Variants in LRRC37A2 observed in about 807,000 individuals in gnomAD.
LRRC37A2 encodes leucine-rich repeat-containing protein 37A2.
In LRRC37A2, 9 loss-of-function variants were observed where a neutral mutation model predicts 68.8. That is an observed-to-expected ratio of 0.13 (90% CI 0.08 to 0.23). The LOEUF is 0.23. Ranked by LOEUF, LRRC37A2 falls within the 10% of genes least tolerant of loss-of-function variation. LRRC37A2 has a pLI of 1.00. For synonymous variants in LRRC37A2, 63 were observed against 367.6 expected, an observed-to-expected ratio of 0.17 and a Z score of 9.48; for missense variants, 168 against 950.4, an observed-to-expected ratio of 0.18 and a Z score of 10.82.
At chr17:46,770,124 A>G in the LRRC37A2 span, 2 of 1,461,720 alleles carry the variant, frequency 1.4e-6, no homozygotes, top group Non-Finnish European at 1.8e-6. Flanking sequence ...CTCCCAGGCC[A>G]GGACGTGAGG....
the LRRC37A2 span, among the ~76,000 whole-genome samples, chr17:46,681,476 T>A: frequency 7.0e-6 from 1 of 143,246 alleles, no homozygotes; most frequent in African/African-American, 2.6e-5. Flanking sequence ...GGCAACAGAA[T>A]GAGACCCTGT....
chr17:46,810,952 A>G, the LRRC37A2 span, among the ~76,000 whole-genome samples: 9 of 152,020 alleles, frequency 5.9e-5, 1 homozygote, highest in Non-Finnish European at 1.3e-4. Flanking sequence ...CCGCTCTGGC[A>G]TCTCCTTCAT....
the LRRC37A2 span, chr17:46,941,298 G>A: frequency 1.0e-6 from 1 of 985,580 alleles, no homozygotes; most frequent in Non-Finnish European, 1.2e-6. Flanking sequence ...TTGCAAATTT[G>A]GATTTACACC....
the LRRC37A2 span, among the ~76,000 whole-genome samples, chr17:47,029,055 T>C: frequency 6.6e-6 from 1 of 152,088 alleles, no homozygotes; most frequent in African/African-American, 2.4e-5. Flanking sequence ...GGCGGGCGCC[T>C]GTGATCCTAG....
chr17:46,568,464 T>A, the LRRC37A2 span, among the ~76,000 whole-genome samples: 1 of 100,630 alleles, frequency 9.9e-6, no homozygotes, highest in African/African-American at 4.3e-5. Context: ...AATAAAGTAA[T>A]CAACCAAATC....
chr17:46,595,779 C>T, the LRRC37A2 span, among the ~76,000 whole-genome samples: 1 of 133,048 alleles, frequency 7.5e-6, no homozygotes, highest in African/African-American at 3.3e-5. Flanking sequence ...TATGAGCCAC[C>T]GCGACTGACC....
At chr17:47,020,545 C>T in the LRRC37A2 span, among the ~76,000 whole-genome samples, 78 of 150,664 alleles carry the variant, frequency 5.2e-4, 1 homozygote, top group Admixed American at 4.6e-4. Flanking sequence ...TTTGGGAGGC[C>T]GAGGTGGGCG....
the LRRC37A2 span, among the ~76,000 whole-genome samples, chr17:46,943,726 G>A: frequency 6.6e-6 from 1 of 152,216 alleles, no homozygotes; most frequent in South Asian, 2.1e-4. Context: ...GAAGGTTCAA[G>A]GCCACTGATG....
chr17:47,042,856 A>T, the LRRC37A2 span, among the ~76,000 whole-genome samples: 5 of 94,456 alleles, frequency 5.3e-5, no homozygotes, highest in South Asian at 5.0e-4. Context: ...GAAAATAAAA[A>T]TTTTTTAAAA....
At chr17:46,831,792 C>A in the LRRC37A2 span, among the ~76,000 whole-genome samples, 6 of 152,246 alleles carry the variant, frequency 3.9e-5, no homozygotes, top group Admixed American at 3.9e-4. Context: ...AAGGCACTCA[C>A]CCCCTCTGGG....
At chr17:46,807,155 C>A in the LRRC37A2 span, among the ~76,000 whole-genome samples, 1 of 152,170 alleles carries the variant, frequency 6.6e-6, no homozygotes, top group Non-Finnish European at 1.5e-5. Flanking sequence ...GAAGACAAGA[C>A]CTTTGTAGAC....
intron 8 of LRRC37A2, among the ~76,000 whole-genome samples, chr17:46,543,678 C>T (rs1441566194): frequency 6.0e-5 from 9 of 150,868 alleles, no homozygotes; most frequent in South Asian, 2.1e-4. Flanking sequence ...CATACACACA[C>T]GGAAAGCTAA....
the LRRC37A2 span, among the ~76,000 whole-genome samples, chr17:46,839,972 CTTT>C: frequency 8.0e-6 from 1 of 124,842 alleles, no homozygotes; most frequent in African/African-American, 3.0e-5. Context: ...TTCTTTCTTT[CTTT>C]CTCTTCTTTC....
the LRRC37A2 span, chr17:46,942,018 C>G: frequency 1.1e-6 from 1 of 913,348 alleles, no homozygotes; most frequent in Non-Finnish European, 1.3e-6. Flanking sequence ...TGTTTATATC[C>G]TACCTTAGTC....
At chr17:46,808,015 GC>G in the LRRC37A2 span, among the ~76,000 whole-genome samples, 1 of 152,240 alleles carries the variant, frequency 6.6e-6, no homozygotes. Flanking sequence ...AGAAGATTCT[GC>G]CCAGCTGCTT....
chr17:46,717,868 A>G, the LRRC37A2 span, among the ~76,000 whole-genome samples: 45,842 of 152,036 alleles, frequency 0.3, 7,688 homozygotes, highest in East Asian at 0.61. Context: ...TGGAAAGCTG[A>G]CCGAACTGGA....
At chr17:46,853,800 A>T in the LRRC37A2 span, among the ~76,000 whole-genome samples, 3 of 152,014 alleles carry the variant, frequency 2.0e-5, no homozygotes, top group Non-Finnish European at 4.4e-5. Context: ...TCCACGATTC[A>T]TTTGTTTGCT....
chr17:46,987,983 C>T, the LRRC37A2 span, among the ~76,000 whole-genome samples: 2 of 152,090 alleles, frequency 1.3e-5, no homozygotes, highest in African/African-American at 4.8e-5. Flanking sequence ...ACCAGCCTGG[C>T]CAACACAGGG....
the LRRC37A2 span, among the ~76,000 whole-genome samples, chr17:46,732,719 T>C: frequency 6.6e-6 from 1 of 152,224 alleles, no homozygotes; most frequent in Non-Finnish European, 1.5e-5. Flanking sequence ...TAAAATGGAT[T>C]GAACAGGAGA....
Sources: gnomAD v4.1 joint callset for allele counts (sites outside exome capture counted in the v4.1 genomes callset) on GRCh38, gnomAD v4.1.1 for gene constraint, MANE v1.5 for transcripts, NCBI Gene and HGNC (gene_info 2026-07-23, HGNC 2026-07-21) for gene names.